The following PCBP3 variants were observed in gnomAD, a reference collection of about 807,000 sequenced individuals.
PCBP3 encodes poly(rC)-binding protein 3.
In PCBP3, 25 loss-of-function variants were observed where a neutral mutation model predicts 52.7. That is an observed-to-expected ratio of 0.47 (90% confidence interval 0.35 to 0.66). The LOEUF (loss-of-function observed/expected upper bound fraction) is 0.66, where lower values mean the gene tolerates loss of function less well. Ranked by LOEUF, PCBP3 falls within the 30% of genes least tolerant of loss-of-function variation. The pLI is 0.01. For missense variants in PCBP3, 391 were observed against 490.3 expected, an observed-to-expected ratio of 0.80 and a Z score of 1.91; for synonymous variants, 162 against 183.0, an observed-to-expected ratio of 0.89 and a Z score of 0.93.
intron 2 of PCBP3, among the ~76,000 whole-genome samples, chr21:45,691,145 G>C (rs554785098): frequency 5.6e-4 from 85 of 151,936 alleles, no homozygotes; most frequent in African/African-American, 1.8e-3. Flanking sequence ...AGTAAACAAA[G>C]AGTACAATAC....
rs1350294201 is a variant in PCBP3, at chr21:45,805,487, C to T, written c.-125-44474C>T. 6.6e-6 allele frequency among the ~76,000 whole-genome samples: 1 copy of T among 152,182 alleles called. No homozygotes were observed. Among genetic ancestry groups the T allele is most frequent in the Non-Finnish European group, 1.5e-5 (1 of 68,034 alleles). ...CCCTTATCCACTGCCTCAAGGTTCC[C>T]ACCAGCAGAGTGGGGCCACCTGGGT... On this transcript the variant is annotated intron_variant, in intron 4 of 17. Transcript: ENST00000681687. The surrounding 1 kb of genome is among the most constrained non-coding windows in gnomAD (Gnocchi z 4.6).
chr21:45,844,809 A>C (rs746292574), intron 4 of PCBP3, among the ~76,000 whole-genome samples: 5 of 140,494 alleles, frequency 3.6e-5, no homozygotes, highest in Non-Finnish European at 7.8e-5. Flanking sequence ...GTTTATATAC[A>C]TATATATAAA....
chr21:45,863,113 G>A (rs1366801246), intron 5 of PCBP3, among the ~76,000 whole-genome samples: 2 of 152,174 alleles, frequency 1.3e-5, no homozygotes, highest in African/African-American at 4.8e-5. Flanking sequence ...TTGTGGGGCA[G>A]ACCTGGAACA....
chr21:45,865,356 G>A (rs970594666), intron 5 of PCBP3, among the ~76,000 whole-genome samples: 14 of 152,168 alleles, frequency 9.2e-5, no homozygotes, highest in Admixed American at 5.2e-4. Flanking sequence ...GGGAGAATGC[G>A]TACCGCTATC....
At chr21:45,694,233 ATT>A in intron 2 of PCBP3, among the ~76,000 whole-genome samples, 1 of 152,320 alleles carries the variant, frequency 6.6e-6, no homozygotes, top group East Asian at 1.9e-4. Flanking sequence ...TAAAATGAAC[ATT>A]TTAGAAATAC....
chr21:45,935,620 G>A (rs2076813368), intron 16 of PCBP3: 2 of 457,804 alleles, frequency 4.4e-6, no homozygotes, highest in Non-Finnish European at 8.3e-6. Flanking sequence ...CCTGGTGCGG[G>A]CCAAACCTTG....
At chr21:45,807,125 C>T (rs2092530981) in intron 4 of PCBP3, among the ~76,000 whole-genome samples, 1 of 152,170 alleles carries the variant, frequency 6.6e-6, no homozygotes, top group South Asian at 2.1e-4. Flanking sequence ...TGAAAACTGG[C>T]ACAAGACAAG....
chr21:45,849,013 T>C (rs1041772463), intron 4 of PCBP3, among the ~76,000 whole-genome samples: 3 of 152,224 alleles, frequency 2.0e-5, no homozygotes, highest in Admixed American at 2.0e-4. Flanking sequence ...CTTTGTCCAA[T>C]AGCATCCTTT....
At chr21:45,659,110 T>G (rs554413298) in intron 1 of PCBP3, among the ~76,000 whole-genome samples, 78 of 151,998 alleles carry the variant, frequency 5.1e-4, no homozygotes, top group African/African-American at 1.9e-3. Flanking sequence ...TTTGGTTTCA[T>G]TGTTGTTTTT....
Position 45,864,029 on chromosome 21 carries a change from C to T in PCBP3, c.10+13934C>T, listed in dbSNP as rs76122419. On this transcript the variant is annotated intron_variant, in intron 5 of 17. Coordinates refer to ENST00000681687, the MANE Select transcript of PCBP3 (RefSeq NM_001384156.1). Reference sequence around the variant, plus strand: ...CCTTCTGAGGACCCATAGCAAGTGTCAATAATCTTCTTTACTAGTCGAGTG... The same window carrying T: ...CCTTCTGAGGACCCATAGCAAGTGTTAATAATCTTCTTTACTAGTCGAGTG... Among the ~76,000 whole-genome samples the T allele has an allele frequency of 1.6e-3, 246 of 152,312 alleles. 2 individuals are homozygous for T. Among genetic ancestry groups the T allele is most frequent in the African/African-American group, 5.7e-3 (236 of 41,556 alleles).
chr21:45,941,574 C>G, intron 17 of PCBP3, 96 bp from the exon 18 acceptor site: 1 of 1,140,842 alleles, frequency 8.8e-7, no homozygotes, highest in South Asian at 1.5e-5. Context: ...CCTGTCCCAG[C>G]GAGCACAGAG....
At chr21:45,654,734 A>G (rs909454018) in intron 1 of PCBP3, among the ~76,000 whole-genome samples, 6 of 152,244 alleles carry the variant, frequency 3.9e-5, no homozygotes, top group Non-Finnish European at 2.9e-5. Flanking sequence ...TAATTCACAC[A>G]CTATAAAATT....
intron 5 of PCBP3, among the ~76,000 whole-genome samples, chr21:45,881,101 T>C (rs1325431755): frequency 6.6e-6 from 1 of 152,186 alleles, no homozygotes; most frequent in Non-Finnish European, 1.5e-5. Context: ...TATTCCTGTT[T>C]TTTTCTGAGC....
rs1308843821 is a variant in PCBP3 at position 45,656,210 on chromosome 21, A to G, written c.-279+12342A>G. On this transcript the variant is annotated intron_variant, in intron 1 of 17. Transcript: ENST00000681687. The surrounding 1 kb of genome is among the most constrained non-coding windows in gnomAD (Gnocchi z 4.3). ...CATGCATGCATATGTTTATTGCAGC[A>G]TTGTTCACGATAGCAAAGACTTGGA... Among the ~76,000 whole-genome samples the G allele has an allele frequency of 6.6e-6, 1 of 152,220 alleles. No individual in the cohort carries two copies. The highest frequency in any genetic ancestry group is 1.5e-5 in the Non-Finnish European group (1 of 68,042).
intron 2 of PCBP3, among the ~76,000 whole-genome samples, chr21:45,723,891 G>A (rs1218237971): frequency 6.6e-6 from 1 of 152,162 alleles, no homozygotes; most frequent in Non-Finnish European, 1.5e-5. Flanking sequence ...ATCACCGAGA[G>A]TGGTAATTAT....
chr21:45,672,711 G>A (rs560472698), intron 2 of PCBP3, among the ~76,000 whole-genome samples: 1 of 152,240 alleles, frequency 6.6e-6, no homozygotes, highest in South Asian at 2.1e-4. Context: ...AATCTCACCT[G>A]TGTGTACAGT....
intron 5 of PCBP3, among the ~76,000 whole-genome samples, chr21:45,861,536 G>A (rs1569348632): frequency 6.6e-6 from 1 of 152,148 alleles, no homozygotes; most frequent in African/African-American, 2.4e-5. Flanking sequence ...ACCCCACACC[G>A]AGAGCTGCTC....
At chr21:45,857,007 A>G (rs1010900707) in intron 5 of PCBP3, among the ~76,000 whole-genome samples, 11 of 152,318 alleles carry the variant, frequency 7.2e-5, no homozygotes, top group Admixed American at 1.3e-4. Flanking sequence ...GTGGAGACCA[A>G]GGTTCTTCTG....
chr21:45,835,238 G>A (rs1258402603), intron 4 of PCBP3, among the ~76,000 whole-genome samples: 1 of 152,174 alleles, frequency 6.6e-6, no homozygotes, highest in Non-Finnish European at 1.5e-5. Flanking sequence ...GCTCCCAGGA[G>A]TGTGGGTGGG....
Sources: gnomAD v4.1 joint callset for allele counts (sites outside exome capture counted in the v4.1 genomes callset) on GRCh38, gnomAD v4.1.1 for gene constraint, Gnocchi (gnomAD v3.1) non-coding constraint, MANE v1.5 for transcripts, NCBI Gene and HGNC (gene_info 2026-07-23, HGNC 2026-07-21) for gene names.